The following LRRTM4 variants were observed in gnomAD, a reference collection of about 807,000 sequenced individuals.
LRRTM4 encodes the protein leucine-rich repeat transmembrane neuronal protein 4.
Under a neutral mutation model 47.6 loss-of-function variants are expected in LRRTM4, and 25 were observed. That is an observed-to-expected ratio of 0.53 (90% confidence interval 0.38 to 0.73). The LOEUF (loss-of-function observed/expected upper bound fraction) is 0.73, where lower values mean the gene tolerates loss of function less well. Among genes scored for constraint, LRRTM4 ranks in the 30% least tolerant of loss-of-function variants. The pLI is 0.00. For synonymous variants in LRRTM4, 311 were observed against 269.5 expected (o/e 1.15, Z -1.51); for missense variants, 638 against 713.4 (o/e 0.89, Z 1.20).
At chr2:77,423,623 C>T (rs1674989528) in intron 3 of LRRTM4, among the ~76,000 whole-genome samples, 1 of 152,114 alleles carries the variant, frequency 6.6e-6, no homozygotes, top group African/African-American at 2.4e-5. Flanking sequence ...ATCTGAGGGC[C>T]AGACTGGAAT....
At chr2:77,122,617 T>C (rs1671549610) in intron 3 of LRRTM4, among the ~76,000 whole-genome samples, 1 of 151,628 alleles carries the variant, frequency 6.6e-6, no homozygotes, top group Admixed American at 6.6e-5. Context: ...GCAATCTGCA[T>C]ATGTGTGGCT....
intron 3 of LRRTM4, among the ~76,000 whole-genome samples, chr2:77,506,698 T>C (rs1198951176): frequency 1.3e-5 from 2 of 151,938 alleles, no homozygotes; most frequent in Non-Finnish European, 2.9e-5. Flanking sequence ...TTAAGTAGAT[T>C]ACATTTTTTA....
At chr2:76,949,143 C>G (rs1675419745) in intron 3 of LRRTM4, among the ~76,000 whole-genome samples, 1 of 151,928 alleles carries the variant, frequency 6.6e-6, no homozygotes, top group African/African-American at 2.4e-5. Context: ...CCAATCCTCT[C>G]TTGCTTACAT....
intron 3 of LRRTM4, among the ~76,000 whole-genome samples, chr2:77,087,569 T>C (rs1034654118): frequency 1.3e-5 from 2 of 152,208 alleles, no homozygotes; most frequent in African/African-American, 2.4e-5. Context: ...CTTGAGAAAC[T>C]TGAGCTCACC....
chr2:77,340,472 T>G (rs1671333530), intron 3 of LRRTM4, among the ~76,000 whole-genome samples: 1 of 151,982 alleles, frequency 6.6e-6, no homozygotes, highest in Non-Finnish European at 1.5e-5. Context: ...TTACTAAACA[T>G]TAGATATCCA....
chr2:76,821,541 T>G (rs1055225315), intron 3 of LRRTM4, among the ~76,000 whole-genome samples: 7 of 151,580 alleles, frequency 4.6e-5, no homozygotes, highest in African/African-American at 1.5e-4. Context: ...AAAACCAGCT[T>G]GATTGAAGAC....
At chr2:77,179,966 G>C (rs748693598) in intron 3 of LRRTM4, among the ~76,000 whole-genome samples, 12 of 151,984 alleles carry the variant, frequency 7.9e-5, no homozygotes, top group Non-Finnish European at 1.3e-4. Flanking sequence ...TTCTTTTAAA[G>C]AACTCAAGGT....
intron 3 of LRRTM4, among the ~76,000 whole-genome samples, chr2:76,883,521 C>T (rs1209860925): frequency 2.6e-5 from 4 of 152,048 alleles, no homozygotes; most frequent in African/African-American, 7.2e-5. Context: ...TACACATGCC[C>T]CACTGGAAAA....
At chr2:77,295,928 G>A (rs1045886179) in intron 3 of LRRTM4, among the ~76,000 whole-genome samples, 1 of 152,052 alleles carries the variant, frequency 6.6e-6, no homozygotes, top group South Asian at 2.1e-4. Context: ...ATCTTAAGGG[G>A]GCCCAACTCA....
rs116544130 is a variant in LRRTM4 at position 76,859,183 on chromosome 2, G to T, written c.1552-110267C>A. ...AGTATCATATTTAACTTAGGAGGGG[G>T]TGAAGGATACTGGTTGAGTGCAAGG... On this transcript the variant is annotated intron_variant, in intron 3 of 3. Transcript: ENST00000409884. 6.8e-3 allele frequency among the ~76,000 whole-genome samples: 1,033 copies of T among 152,268 alleles called. 9 individuals are homozygous for T. The highest frequency in any genetic ancestry group is 0.022 in the African/African-American group (916 of 41,552).
intron 3 of LRRTM4, among the ~76,000 whole-genome samples, chr2:77,058,109 T>C (rs1465636802): frequency 6.6e-6 from 1 of 152,194 alleles, no homozygotes; most frequent in Non-Finnish European, 1.5e-5. Context: ...CTATTTTTTC[T>C]AGCCCTGATT....
At chr2:76,794,677 G>A (rs537569913) in intron 3 of LRRTM4, among the ~76,000 whole-genome samples, 17 of 152,096 alleles carry the variant, frequency 1.1e-4, no homozygotes, top group Admixed American at 8.5e-4. Flanking sequence ...TTATTCCAGA[G>A]CAGGGTTTTT....
At chr2:77,063,129 A>AT (rs141643486) in intron 3 of LRRTM4, among the ~76,000 whole-genome samples, 29,265 of 147,844 alleles carry the variant, frequency 0.2, 3,925 homozygotes, top group African/African-American at 0.39. Context: ...TAATCTTTGT[A>AT]TTTTTTTTTT....
intron 3 of LRRTM4, among the ~76,000 whole-genome samples, chr2:77,110,451 T>G (rs530368949): frequency 6.6e-6 from 1 of 152,174 alleles, no homozygotes; most frequent in Non-Finnish European, 1.5e-5. Flanking sequence ...GTAAGGATTG[T>G]TAATGGAAGT....
chr2:77,059,417 C>T (rs1162723780), intron 3 of LRRTM4, among the ~76,000 whole-genome samples: 1 of 151,746 alleles, frequency 6.6e-6, no homozygotes, highest in Non-Finnish European at 1.5e-5. Context: ...GATATTAGAA[C>T]CAAATAACAA....
chr2:77,039,501 C>T (rs1006641226), intron 3 of LRRTM4, among the ~76,000 whole-genome samples: 4 of 151,140 alleles, frequency 2.6e-5, no homozygotes, highest in East Asian at 1.9e-4. Context: ...TTAGAGGACA[C>T]ATTTAGGACT....
chr2:77,290,653 G>A (rs192333437), intron 3 of LRRTM4, among the ~76,000 whole-genome samples: 112 of 151,842 alleles, frequency 7.4e-4, no homozygotes, highest in Non-Finnish European at 7.8e-4. Context: ...AATATCACAC[G>A]TACCCCATAA....
intron 3 of LRRTM4, among the ~76,000 whole-genome samples, chr2:77,336,713 C>G (rs990708607): frequency 6.6e-6 from 1 of 152,022 alleles, no homozygotes; most frequent in East Asian, 1.9e-4. Flanking sequence ...AAGGAATACA[C>G]CTCAAAATAA....
chr2:77,517,858 T>C, intron 3 of LRRTM4: 1 of 986,604 alleles, frequency 1.0e-6, no homozygotes, highest in Non-Finnish European at 1.2e-6. Context: ...AATCAACCCT[T>C]GGGAAAATTG....
Sources: gnomAD v4.1 joint callset for allele counts (sites outside exome capture counted in the v4.1 genomes callset) on GRCh38, gnomAD v4.1.1 for gene constraint, MANE v1.5 for transcripts, NCBI Gene and HGNC (gene_info 2026-07-23, HGNC 2026-07-21) for gene names.